SLC2A9: variants seen among roughly 807,000 people sequenced by gnomAD.
SLC2A9 encodes solute carrier family 2 member 9, also known as solute carrier family 2, facilitated glucose transporter member 9.
Under a neutral mutation model 50.6 loss-of-function variants are expected in SLC2A9, and 39 were observed. The observed-to-expected ratio is 0.77, with a 90% CI of 0.60 to 1.01. The LOEUF is 1.01. SLC2A9 is among the 50% of genes least tolerant of loss of function. The pLI is 0.00. For missense variants in SLC2A9, 686 were observed against 677.6 expected (o/e 1.01, Z -0.14); for synonymous variants, 324 against 276.9 (o/e 1.17, Z -1.69).
chr4:9,808,232 A>G (rs985978325), intron 3 of SLC2A9, among the ~76,000 whole-genome samples: 3 of 152,170 alleles, frequency 2.0e-5, no homozygotes, highest in Non-Finnish European at 4.4e-5. Flanking sequence ...CTCTTCTCAG[A>G]AAACTTGTTT....
At chr4:9,793,198 TG>T (rs1184812769) in intron 3 of SLC2A9, among the ~76,000 whole-genome samples, 2 of 152,256 alleles carry the variant, frequency 1.3e-5, no homozygotes, top group Admixed American at 1.3e-4. Context: ...AGCAATTTTC[TG>T]TGTGCTGTAA....
intron 1 of SLC2A9, among the ~76,000 whole-genome samples, chr4:9,772,497 T>G (rs1716951797): frequency 2.0e-5 from 3 of 152,204 alleles, no homozygotes; most frequent in South Asian, 2.1e-4. Flanking sequence ...TCTAACAGAA[T>G]GTGGTGTTGG....
chr4:9,875,550 C>G (rs1734183407), intron 10 of SLC2A9, among the ~76,000 whole-genome samples: 1 of 152,212 alleles, frequency 6.6e-6, no homozygotes, highest in African/African-American at 2.4e-5. Context: ...CACACATCTC[C>G]TCTGTGCTCC....
intron 4 of SLC2A9, among the ~76,000 whole-genome samples, chr4:9,981,623 G>C (rs1755894895): frequency 6.6e-6 from 1 of 152,108 alleles, no homozygotes; most frequent in African/African-American, 2.4e-5. Context: ...TCTGATCTTA[G>C]AACTTGCACT....
At chr4:10,022,118 C>T (rs570339514), upstream of SLC2A9, among the ~76,000 whole-genome samples, 3 of 152,328 alleles carry the variant, frequency 2.0e-5, no homozygotes, top group South Asian at 6.2e-4. Flanking sequence ...GAATTAGAGG[C>T]GTAAGCCACC....
chr4:9,943,269 T>G (rs1177745204), intron 5 of SLC2A9, among the ~76,000 whole-genome samples: 2 of 152,186 alleles, frequency 1.3e-5, no homozygotes, highest in Non-Finnish European at 2.9e-5. Flanking sequence ...AGCCAGCAGC[T>G]GGTCCAATCA....
At chr4:9,848,027 G>A (rs371892198) in intron 10 of SLC2A9, among the ~76,000 whole-genome samples, 20 of 152,266 alleles carry the variant, frequency 1.3e-4, no homozygotes, top group African/African-American at 4.3e-4. Context: ...GGAAACTGAG[G>A]CTAGAGAGGT....
At chr4:10,000,116 T>C (rs1156796444) in intron 2 of SLC2A9, among the ~76,000 whole-genome samples, 2 of 151,290 alleles carry the variant, frequency 1.3e-5, no homozygotes, top group Non-Finnish European at 2.9e-5. Flanking sequence ...TCTCTTTCTT[T>C]CTGGATTCAC....
chr4:9,869,383 T>C (rs62293272), intron 10 of SLC2A9, among the ~76,000 whole-genome samples: 18,793 of 152,212 alleles, frequency 0.12, 1,375 homozygotes, highest in African/African-American at 0.18. Context: ...TGTGTTCTAA[T>C]TTCTGTCTAC....
intron 3 of SLC2A9, among the ~76,000 whole-genome samples, chr4:9,810,618 GA>G: frequency 6.6e-6 from 1 of 152,350 alleles, no homozygotes; most frequent in East Asian, 1.9e-4. Context: ...GTATCATTAA[GA>G]AAAGTCAGTG....
At chr4:9,970,825 A>G (rs1753785826) in intron 5 of SLC2A9, among the ~76,000 whole-genome samples, 1 of 152,216 alleles carries the variant, frequency 6.6e-6, no homozygotes, top group Admixed American at 6.5e-5. Context: ...AACCGGACCC[A>G]AAACCAGGCC....
Position 9,942,040 on chromosome 4 carries a change from A to T in SLC2A9, c.687T>A (p.Ser229Arg), listed in dbSNP as rs1194272776. ...TCACTCCAAACAGGTATGGCCAGGT[A>T]CTCTCCTGTGGGAGAAGGAGATGCT... The part of the protein sequence containing the change: ...LGLPELLGKE[S>R]TWPYLFGVIV... Residue 229 changes from serine to arginine, a missense_variant, in exon 6 of 12, where the codon AGT becomes AGA. Physicochemically the swap from Ser to Arg is moderately radical, Grantham distance 110. Coordinates refer to ENST00000264784, the MANE Select transcript of SLC2A9 (RefSeq NM_020041.3). 6.2e-7 allele frequency: 1 copy of T among 1,613,968 alleles called. No individual in the cohort carries two copies. The highest frequency in any genetic ancestry group is 1.7e-5 in the Admixed American group (1 of 60,022).
chr4:9,982,296 G>C (rs535151430), intron 4 of SLC2A9, among the ~76,000 whole-genome samples: 30 of 152,322 alleles, frequency 2.0e-4, no homozygotes, highest in African/African-American at 7.0e-4. Context: ...TCTCTGCTTT[G>C]AGAGGGTTGG....
chr4:10,020,586 A>G (rs912776332), intron 1 of SLC2A9, among the ~76,000 whole-genome samples: 21 of 152,302 alleles, frequency 1.4e-4, no homozygotes, highest in Admixed American at 1.0e-3. Flanking sequence ...ACAGAATCAC[A>G]TTTCAGATGA....
chr4:9,845,759 A>T (rs1414019421), intron 10 of SLC2A9, among the ~76,000 whole-genome samples: 2 of 152,164 alleles, frequency 1.3e-5, no homozygotes, highest in Non-Finnish European at 2.9e-5. Context: ...GCCCTTCAAA[A>T]TGCCTATAAA....
At chr4:9,879,743 AG>A (rs780667729) in intron 10 of SLC2A9, 1 of 985,426 alleles carries the variant, frequency 1.0e-6, no homozygotes, top group Non-Finnish European at 1.2e-6. Flanking sequence ...CCAGGCACAG[AG>A]TCAGGGCTTC....
At chr4:9,799,114 A>G (rs1720975476) in exon 4 of SLC2A9, 2 of 152,186 alleles carry the variant, frequency 1.3e-5, no homozygotes, top group South Asian at 2.1e-4. Context: ...TAAGCAAGAT[A>G]AAATGGAAGT....
At chr4:10,038,410 G>A (rs1037199363) in intron 1 of SLC2A9, among the ~76,000 whole-genome samples, 7 of 150,454 alleles carry the variant, frequency 4.7e-5, no homozygotes, top group African/African-American at 1.7e-4. Context: ...GCGAGGCTGA[G>A]GCAGGAGAAT....
chr4:9,795,672 A>G (rs772676031), downstream of SLC2A9, among the ~76,000 whole-genome samples: 8 of 152,350 alleles, frequency 5.3e-5, no homozygotes, highest in African/African-American at 1.2e-4. Context: ...AACAAAAAAG[A>G]CTAAAGTCTT....
Sources: gnomAD v4.1 joint callset for allele counts (sites outside exome capture counted in the v4.1 genomes callset) on GRCh38, gnomAD v4.1.1 for gene constraint, MANE v1.5 for transcripts, NCBI Gene and HGNC (gene_info 2026-07-23, HGNC 2026-07-21) for gene names.